IGSF10: variants seen among roughly 807,000 people sequenced by gnomAD.
IGSF10 encodes immunoglobulin superfamily member 10.
Under a neutral mutation model 128.2 loss-of-function variants are expected in IGSF10, and 126 were observed. That is an observed-to-expected ratio of 0.98 (90% CI 0.85 to 1.14). The LOEUF (loss-of-function observed/expected upper bound fraction) is 1.14, where lower values mean the gene tolerates loss of function less well. Among genes scored for constraint, IGSF10 ranks in the 50% most tolerant of loss-of-function variants. The pLI is 0.00. For missense variants in IGSF10, 3,295 were observed against 3,149.8 expected (o/e 1.05, Z -1.10); for synonymous variants, 1,185 against 1,146.2 (o/e 1.03, Z -0.68).
In IGSF10 at chr3:151,443,334, C is replaced by T; in HGVS notation, c.5613G>A (p.Gln1871=). ...KLPCTAKGTP[Q]PSVYWVLSDG... ...CAGAGAGGACCCAGTAAACGCTGGG[C>T]TGAGGAGTTCCTTTTGCAGTACAGG... The change falls in exon 7 of 8, where the codon CAG becomes CAA. Residue 1871 remains glutamine (Q), a synonymous_variant. Coordinates refer to ENST00000282466, the MANE Select transcript of IGSF10 (RefSeq NM_178822.5). 1 of 1,614,196 alleles carries T rather than the reference C, an allele frequency of 6.2e-7. No homozygotes were observed. The highest frequency in any genetic ancestry group is 8.5e-7 in the Non-Finnish European group (1 of 1,180,030).
chr3:151,514,525 C>A, the IGSF10 span, among the ~76,000 whole-genome samples: 7 of 152,216 alleles, frequency 4.6e-5, no homozygotes, highest in Admixed American at 2.0e-4. Flanking sequence ...TAGAAGAAAA[C>A]CTAGGCAATA....
chr3:151,616,222 C>A, the IGSF10 span, among the ~76,000 whole-genome samples: 1 of 152,126 alleles, frequency 6.6e-6, no homozygotes, highest in Non-Finnish European at 1.5e-5. Flanking sequence ...CCGCCTCAGC[C>A]TCCCAAAGGC....
the IGSF10 span, among the ~76,000 whole-genome samples, chr3:151,613,092 T>C: frequency 6.6e-6 from 1 of 152,294 alleles, no homozygotes; most frequent in South Asian, 2.1e-4. Context: ...CATTCATAAT[T>C]GCTTCAAAGA....
chr3:151,448,325 T>A lies in IGSF10; in HGVS notation c.1656A>T (p.Ile552=). 6.2e-7 allele frequency: 1 copy of A among 1,614,214 alleles called. No homozygotes were observed. The highest frequency in any genetic ancestry group is 8.5e-7 in the Non-Finnish European group (1 of 1,180,020). ...DSFDTGVYHC[I]SSNYDDADIL... ...TATCTGCATCATCATAATTGCTGCT[T>A]ATACAGTGATATACGCCTGTGTCAA... The change falls in exon 6 of 8, where the codon ATA becomes ATT. Residue 552 remains isoleucine, a synonymous_variant. Transcript: ENST00000282466.
the IGSF10 span, among the ~76,000 whole-genome samples, chr3:151,490,170 T>C: frequency 6.6e-6 from 1 of 152,086 alleles, no homozygotes; most frequent in African/African-American, 2.4e-5. Flanking sequence ...AGAACACACA[T>C]AGGCTGAAAG....
At chr3:151,536,098 T>C in the IGSF10 span, among the ~76,000 whole-genome samples, 2 of 152,148 alleles carry the variant, frequency 1.3e-5, no homozygotes, top group African/African-American at 4.8e-5. Flanking sequence ...CCATGGCTAC[T>C]AGTCCTAGGG....
At chr3:151,584,570 G>GCCT in the IGSF10 span, among the ~76,000 whole-genome samples, 9 of 152,168 alleles carry the variant, frequency 5.9e-5, no homozygotes, top group East Asian at 1.7e-3. Context: ...ACAGTGATGT[G>GCCT]GATGCACATG....
the IGSF10 span, among the ~76,000 whole-genome samples, chr3:151,559,134 A>T: frequency 6.6e-6 from 1 of 152,226 alleles, no homozygotes; most frequent in Non-Finnish European, 1.5e-5. Flanking sequence ...CAAAAGGAAC[A>T]TTCTAGCCAG....
At chr3:151,469,807 C>G in the IGSF10 span, among the ~76,000 whole-genome samples, 4 of 152,162 alleles carry the variant, frequency 2.6e-5, no homozygotes, top group African/African-American at 9.7e-5. Context: ...TACTCCCATG[C>G]AGGAGCCCTT....
Position 151,436,498 on chromosome 3 carries a change from A to C in IGSF10, c.*191T>G, listed in dbSNP as rs1034770223. The C allele has an allele frequency of 1.1e-5, 5 of 466,648 alleles. No individual in the cohort carries two copies. Among genetic ancestry groups the C allele is most frequent in the East Asian group, 1.0e-4 (3 of 29,706 alleles). 28.9% of individuals were successfully genotyped at this position (466,648 alleles called of 1,614,324 possible). On this transcript the variant is annotated 3_prime_UTR_variant, in exon 8 of 8. Transcript: ENST00000282466. Reference sequence around the variant, plus strand: ...TGCCTTAAGTTAAAAGTTTGTTTTGAGATCCATTAAATAAATCAGTATCAT... The same window carrying C: ...TGCCTTAAGTTAAAAGTTTGTTTTGCGATCCATTAAATAAATCAGTATCAT...
At chr3:151,611,767 T>C in the IGSF10 span, among the ~76,000 whole-genome samples, 1 of 152,208 alleles carries the variant, frequency 6.6e-6, no homozygotes, top group African/African-American at 2.4e-5. Context: ...AAATCATATA[T>C]TTATTTTGCT....
chr3:151,458,110 C>CATATATATATAT (rs143716078), intron 3 of IGSF10, among the ~76,000 whole-genome samples: 1 of 149,910 alleles, frequency 6.7e-6, no homozygotes, highest in Admixed American at 6.7e-5. Flanking sequence ...AAAAAGGATA[C>CATATATATATAT]ATATATATAT....
At chr3:151,503,131 G>A in the IGSF10 span, among the ~76,000 whole-genome samples, 1 of 152,156 alleles carries the variant, frequency 6.6e-6, no homozygotes, top group Non-Finnish European at 1.5e-5. Context: ...CAGGCTGGCA[G>A]TGCAAAAGCA....
At chr3:151,576,410 T>A in the IGSF10 span, among the ~76,000 whole-genome samples, 1 of 152,174 alleles carries the variant, frequency 6.6e-6, no homozygotes, top group Non-Finnish European at 1.5e-5. Context: ...TTTCTGAGTC[T>A]CCTTGTTTTG....
At chr3:151,444,886 A>C in intron 6 of IGSF10, 33 bp downstream of exon 6, 1 of 1,526,082 alleles carries the variant, frequency 6.6e-7, no homozygotes, top group Non-Finnish European at 8.8e-7. Context: ...GTTTTCTAAC[A>C]AAAACTAAGT....
the IGSF10 span, among the ~76,000 whole-genome samples, chr3:151,521,070 G>A: frequency 2.6e-5 from 4 of 151,604 alleles, no homozygotes; most frequent in African/African-American, 9.7e-5. Context: ...AAAAATCAGG[G>A]GTTATAATAC....
the IGSF10 span, among the ~76,000 whole-genome samples, chr3:151,588,493 T>C: frequency 6.6e-6 from 1 of 152,196 alleles, no homozygotes; most frequent in Non-Finnish European, 1.5e-5. Context: ...CAGAGAATCT[T>C]AGAAAAATTG....
the IGSF10 span, among the ~76,000 whole-genome samples, chr3:151,478,024 A>G: frequency 6.6e-6 from 1 of 152,218 alleles, no homozygotes; most frequent in Non-Finnish European, 1.5e-5. Context: ...CCATTCTTAC[A>G]TGCTGCCTTC....
chr3:151,564,992 G>A, the IGSF10 span, among the ~76,000 whole-genome samples: 1 of 152,162 alleles, frequency 6.6e-6, no homozygotes, highest in Non-Finnish European at 1.5e-5. Context: ...TGAGACAGAG[G>A]CAAGCTAAGT....
Sources: allele counts gnomAD v4.1 joint callset (sites outside exome capture counted in the v4.1 genomes callset), GRCh38; gene constraint gnomAD v4.1.1; transcripts MANE v1.5; gene names NCBI Gene and HGNC (gene_info 2026-07-23, HGNC 2026-07-21).